The following NUP54 variants were observed in gnomAD, a reference collection of about 807,000 sequenced individuals.
The protein encoded by NUP54 is nucleoporin p54.
NUP54 carries 27 observed loss-of-function variants against 66.4 expected under a neutral mutation model. The ratio of observed to expected loss-of-function variants is 0.41; its 90% CI spans 0.30 to 0.56. The LOEUF (loss-of-function observed/expected upper bound fraction) is 0.56. Ranked by LOEUF, NUP54 falls within the 20% of genes least tolerant of loss-of-function variation. The probability of loss-of-function intolerance (pLI) is 0.34; values close to 1 mark genes in which losing one functional copy is unlikely to be tolerated. For missense variants in NUP54, 486 were observed against 596.3 expected (o/e 0.82, Z 1.93); for synonymous variants, 206 against 210.7 (o/e 0.98, Z 0.19).
intron 8 of NUP54, among the ~76,000 whole-genome samples, chr4:76,129,759 G>A (rs535838014): frequency 2.0e-4 from 30 of 150,686 alleles, no homozygotes; most frequent in African/African-American, 5.6e-4. Flanking sequence ...CAGCTACTCC[G>A]GAGGCTGAGG....
At chr4:76,129,432 A>G (rs1560682277) in intron 8 of NUP54, among the ~76,000 whole-genome samples, 1 of 152,218 alleles carries the variant, frequency 6.6e-6, no homozygotes, top group Non-Finnish European at 1.5e-5. Context: ...CTCTTCTCAA[A>G]CTAGCAGACA....
intron 3 of NUP54, among the ~76,000 whole-genome samples, chr4:76,141,527 T>C (rs1157262763): frequency 6.6e-6 from 1 of 152,172 alleles, no homozygotes; most frequent in African/African-American, 2.4e-5. Context: ...CAAGATACCT[T>C]TATCCAGTCA....
chr4:76,133,465 C>T (rs922112318), intron 5 of NUP54, among the ~76,000 whole-genome samples: 1 of 152,006 alleles, frequency 6.6e-6, no homozygotes, highest in South Asian at 2.1e-4. Context: ...GCCACCACGC[C>T]CGGCTGATTT....
At chr4:76,123,285 A>G (rs921943211) in intron 9 of NUP54, among the ~76,000 whole-genome samples, 3 of 152,374 alleles carry the variant, frequency 2.0e-5, no homozygotes, top group African/African-American at 7.2e-5. Context: ...AATAATCAAA[A>G]TAACACTGGA....
intron 6 of NUP54, 100 bp downstream of exon 6, chr4:76,132,423 T>G: frequency 1.3e-6 from 1 of 799,962 alleles, no homozygotes; most frequent in Non-Finnish European, 1.9e-6. Context: ...ATGATACTAA[T>G]TTTATTAGCA....
At chr4:76,144,057 T>C (rs527535318) in intron 3 of NUP54, 92 bp downstream of exon 3, 136 of 1,258,018 alleles carry the variant, frequency 1.1e-4, no homozygotes, top group Middle Eastern at 1.9e-4. Flanking sequence ...ATAATTCTTA[T>C]AAAAAGTCCA....
intron 1 of NUP54, chr4:76,145,841 T>G (rs1021840257): frequency 7.6e-6 from 2 of 263,710 alleles, no homozygotes; most frequent in African/African-American, 4.6e-5. Context: ...GCAACCATTT[T>G]ATATTAATCA....
chr4:76,130,335 A>G (rs1364798082), intron 8 of NUP54, among the ~76,000 whole-genome samples: 2 of 152,324 alleles, frequency 1.3e-5, no homozygotes, highest in East Asian at 1.9e-4. Flanking sequence ...ATATGTCAAC[A>G]TAAAATAATC....
intron 8 of NUP54, among the ~76,000 whole-genome samples, chr4:76,126,046 C>T (rs1170003934): frequency 6.6e-6 from 1 of 151,958 alleles, no homozygotes; most frequent in African/African-American, 2.4e-5. Context: ...GACAATTAGC[C>T]CTGTATCTAA....
chr4:76,136,247 T>A lies in NUP54; in HGVS notation c.461A>T (p.Tyr154Phe). The change falls in exon 4 of 12, where the codon TAT (tyrosine) becomes TTT (phenylalanine). Residue 154 changes from tyrosine (Y) to phenylalanine (F), a missense_variant. Coordinates refer to ENST00000264883, the MANE Select transcript of NUP54 (RefSeq NM_017426.4). ...LQAFWGTGKG[Y>F]FNNNIPPVEF... The stretch of plus-strand genomic sequence containing the variant: ...CACTGGCGGAATATTATTGTTGAAA[T>A]ACCCTTTTCCTGTTCCCCAAAAGGC... 1 of 1,614,122 alleles carries A rather than the reference T, an allele frequency of 6.2e-7. No individual in the cohort carries two copies. The highest frequency in any genetic ancestry group is 2.2e-5 in the East Asian group (1 of 44,880).
intron 9 of NUP54, chr4:76,118,577 G>GCGGGGT (rs796341208): frequency 2.7e-5 from 3 of 111,562 alleles, no homozygotes; most frequent in African/African-American, 7.5e-5. Flanking sequence ...GCGGGGTGGG[G>GCGGGGT]GGGGGGGTCT....
intron 8 of NUP54, among the ~76,000 whole-genome samples, chr4:76,130,122 A>G (rs1730737596): frequency 6.6e-6 from 1 of 151,392 alleles, no homozygotes; most frequent in South Asian, 2.1e-4. Flanking sequence ...CTGGCATTAC[A>G]GGCGTGCACC....
intron 8 of NUP54, among the ~76,000 whole-genome samples, chr4:76,127,432 CAAA>C (rs59383944): frequency 3.7e-5 from 2 of 54,768 alleles, no homozygotes; most frequent in African/African-American, 6.9e-5. Flanking sequence ...ACCCCCATCT[CAAA>C]AAAAAAAAAA....
chr4:76,131,273 T>C lies in NUP54; in HGVS notation c.919A>G (p.Ile307Val), dbSNP rs750862976. ...TCTACCTTGGCCTGTTCCCAGATAA[T>C]AGGATCAACACCTACCACAAATAAA... ...LQNPPAGVDP[I>V]IWEQAKVDNP... Residue 307 changes from isoleucine to valine, a missense_variant, in exon 7 of 12, where the codon ATT becomes GTT. Ile to Val is a conservative substitution (Grantham distance 29). This residue lies in a region of NUP54 where 217 missense variants were observed against 247.9 expected (regional missense o/e 0.88). Transcript: ENST00000264883. 17 of 1,586,936 alleles carry C rather than the reference T, an allele frequency of 1.1e-5. No individual in the cohort carries two copies. The highest frequency in any genetic ancestry group is 1.2e-5 in the Non-Finnish European group (14 of 1,160,656).
intron 8 of NUP54, among the ~76,000 whole-genome samples, chr4:76,125,849 A>AGAGGGG (rs1161173284): frequency 5.8e-5 from 3 of 51,378 alleles, no homozygotes; most frequent in Non-Finnish European, 1.0e-4. Context: ...AGAGAGGGAG[A>AGAGGGG]GAGGGGGAGG....
intron 3 of NUP54, among the ~76,000 whole-genome samples, chr4:76,137,135 G>GT (rs1731072318): frequency 6.6e-6 from 1 of 152,134 alleles, no homozygotes; most frequent in South Asian, 2.1e-4. Context: ...GACTACAGGA[G>GT]TGCACCAATG....
chr4:76,119,034 T>C (rs1560673932), intron 9 of NUP54, among the ~76,000 whole-genome samples: 2 of 152,044 alleles, frequency 1.3e-5, no homozygotes, highest in Admixed American at 1.3e-4. Flanking sequence ...AACTATGGTA[T>C]GGCTTAAAAG....
At chr4:76,138,859 T>A (rs1190127000) in intron 3 of NUP54, among the ~76,000 whole-genome samples, 3 of 152,150 alleles carry the variant, frequency 2.0e-5, no homozygotes, top group African/African-American at 7.2e-5. Flanking sequence ...GACTGGAGTG[T>A]CACAGAAGTT....
chr4:76,128,894 G>A (rs1021227320), intron 8 of NUP54, among the ~76,000 whole-genome samples: 7 of 152,176 alleles, frequency 4.6e-5, no homozygotes, highest in Admixed American at 6.5e-5. Context: ...TGATTTAGTA[G>A]AAGAAAAGAG....
Sources: gnomAD v4.1 joint callset for allele counts (sites outside exome capture counted in the v4.1 genomes callset) on GRCh38, gnomAD v4.1.1 for gene constraint, gnomAD v4.1.1 regional missense constraint, MANE v1.5 for transcripts, NCBI Gene and HGNC (gene_info 2026-07-23, HGNC 2026-07-21) for gene names.